Variants in WDFY2 observed in about 807,000 individuals in gnomAD.
The protein encoded by WDFY2 is WD repeat and FYVE domain containing 2, also known as WD repeat and FYVE domain-containing protein 2.
A neutral mutation model predicts 56.4 loss-of-function variants in WDFY2; 36 were observed. The ratio of observed to expected loss-of-function variants is 0.64; its 90% CI spans 0.49 to 0.84. The LOEUF is 0.84. Among genes scored for constraint, WDFY2 ranks in the 40% least tolerant of loss-of-function variants. WDFY2 has a pLI of 0.00. For synonymous variants in WDFY2, 176 were observed against 183.7 expected (o/e 0.96, Z 0.34); for missense variants, 444 against 512.2 (o/e 0.87, Z 1.29).
Position 51,703,634 on chromosome 13 carries a change from T to C in WDFY2, c.318T>C (p.Pro106=), listed in dbSNP as rs200920602. The C allele has an allele frequency of 9.9e-6, 16 of 1,610,162 alleles. No individual in the cohort carries two copies. The East Asian group carries it at 3.4e-4, about 34-fold the overall frequency. Residue 106 remains proline, a synonymous_variant, in exon 4 of 12, where the codon CCT becomes CCC. Coordinates refer to ENST00000298125, the MANE Select transcript of WDFY2 (RefSeq NM_052950.4). ...ILSEDYNKMT[P]VKNYQAHQSR... is the part of the protein sequence containing the mutation. ...CAGAAGATTATAACAAGATGACTCCTGTGAAAAACTATCAAGGTAGGGAGT... is the reference window on the plus strand; with the variant it reads ...CAGAAGATTATAACAAGATGACTCCCGTGAAAAACTATCAAGGTAGGGAGT...
At chr13:51,752,862 G>A (rs1953267760) in intron 8 of WDFY2, 3 of 151,974 alleles carry the variant, frequency 2.0e-5, no homozygotes, top group Admixed American at 1.3e-4. Flanking sequence ...TTTCATCTTA[G>A]CCTCTGTGGA....
intron 4 of WDFY2, among the ~76,000 whole-genome samples, chr13:51,718,559 TACACACACACACACACAC>T (rs71192015): frequency 2.2e-4 from 31 of 138,758 alleles, no homozygotes; most frequent in African/African-American, 3.7e-4. Context: ...TTATCATTCA[TACACACACACACACACAC>T]ACACACACAC....
intron 3 of WDFY2, among the ~76,000 whole-genome samples, chr13:51,702,559 A>C (rs753555094): frequency 1.3e-5 from 2 of 152,212 alleles, no homozygotes; most frequent in African/African-American, 4.8e-5. Flanking sequence ...ATTCTCTCAC[A>C]TCATCTCCTA....
chr13:51,636,706 T>A (rs186462226), intron 1 of WDFY2, among the ~76,000 whole-genome samples: 1 of 152,302 alleles, frequency 6.6e-6, no homozygotes, highest in East Asian at 1.9e-4. Context: ...TGGATCATGA[T>A]CCATCTAGAT....
chr13:51,637,033 T>C (rs939271823), intron 1 of WDFY2, among the ~76,000 whole-genome samples: 5 of 152,238 alleles, frequency 3.3e-5, no homozygotes, highest in African/African-American at 1.2e-4. Context: ...GAATCTGCAT[T>C]TTAACAAGAT....
chr13:51,690,514 A>C (rs950209086), intron 3 of WDFY2, among the ~76,000 whole-genome samples: 1 of 152,006 alleles, frequency 6.6e-6, no homozygotes, highest in African/African-American at 2.4e-5. Context: ...GTCCCTACAA[A>C]GGACGTGAAC....
chr13:51,687,286 C>A (rs989175543), intron 3 of WDFY2, among the ~76,000 whole-genome samples: 15 of 151,810 alleles, frequency 9.9e-5, no homozygotes, highest in Admixed American at 3.3e-4. Context: ...CTGAAAAACC[C>A]CTCCTCTTGT....
chr13:51,752,895 T>A (rs1953268877), intron 8 of WDFY2: 1 of 152,226 alleles, frequency 6.6e-6, no homozygotes, highest in African/African-American at 2.4e-5. Context: ...TTATGATAAG[T>A]GCTGTGTGAT....
intron 1 of WDFY2, among the ~76,000 whole-genome samples, chr13:51,635,063 C>T (rs549291658): frequency 6.6e-5 from 10 of 152,210 alleles, no homozygotes; most frequent in Admixed American, 5.2e-4. Flanking sequence ...CTCAGCCTCC[C>T]GAGTAGCTGG....
chr13:51,592,555 A>G (rs1335470671), intron 1 of WDFY2: 1 of 151,832 alleles, frequency 6.6e-6, no homozygotes, highest in Non-Finnish European at 1.5e-5. Flanking sequence ...AGCCTGGGCA[A>G]CAGAGCGAGA....
chr13:51,603,141 A>T (rs2138317124), intron 1 of WDFY2, among the ~76,000 whole-genome samples: 1 of 152,340 alleles, frequency 6.6e-6, no homozygotes, highest in East Asian at 1.9e-4. Context: ...GCAAATGGAA[A>T]TGCCAGAAAG....
intron 3 of WDFY2, among the ~76,000 whole-genome samples, chr13:51,689,489 CCA>C (rs1956114639): frequency 1.3e-5 from 2 of 152,080 alleles, no homozygotes; most frequent in African/African-American, 4.8e-5. Flanking sequence ...TGCACAAACC[CCA>C]GTTATCTTTA....
chr13:51,626,842 G>A (rs1397123737), intron 1 of WDFY2, among the ~76,000 whole-genome samples: 1 of 152,216 alleles, frequency 6.6e-6, no homozygotes, highest in African/African-American at 2.4e-5. Context: ...CCTTCTGCCT[G>A]AGTAATGCTC....
At chr13:51,721,565 C>A (rs1952491517) in intron 5 of WDFY2, among the ~76,000 whole-genome samples, 1 of 151,970 alleles carries the variant, frequency 6.6e-6, no homozygotes, top group African/African-American at 2.4e-5. Context: ...TTTGCCACAC[C>A]ATGTGGTTTA....
At chr13:51,738,029 A>G (rs889992459) in intron 6 of WDFY2, among the ~76,000 whole-genome samples, 1 of 148,902 alleles carries the variant, frequency 6.7e-6, no homozygotes, top group African/African-American at 2.4e-5. Flanking sequence ...TTCTCCTGAA[A>G]CAAATGTATG....
chr13:51,719,306 G>A lies in WDFY2; in HGVS notation c.443G>A (p.Arg148His), dbSNP rs749728199. 2.4e-5 allele frequency: 39 copies of A among 1,612,886 alleles called. No individual in the cohort carries two copies. The highest frequency in any genetic ancestry group is 2.8e-5 in the Non-Finnish European group (33 of 1,179,428). The change falls in exon 5 of 12, where the codon CGC becomes CAC. Residue 148 changes from arginine to histidine, a missense_variant. Arg to His is a conservative substitution (Grantham distance 29, BLOSUM62 0). Transcript: ENST00000298125. ...FAWHCSESGQ[R>H]LGGYRTSAVA... Reference sequence around the variant, plus strand: ...TGGCACTGCTCTGAGAGTGGGCAGCGCCTGGGAGGTTATCGGACCAGTGCT... The same window carrying A: ...TGGCACTGCTCTGAGAGTGGGCAGCACCTGGGAGGTTATCGGACCAGTGCT...
rs988095642 is a variant in WDFY2 at position 51,767,386 on chromosome 13, C to T, written c.*7617C>T. On this transcript the variant is annotated 3_prime_UTR_variant, in exon 12 of 12. Coordinates refer to ENST00000298125, the MANE Select transcript of WDFY2 (RefSeq NM_052950.4). ...CAGGCTGGCACACCCAGAAAAATCC[C>T]TTCCTTGTGGTCCTTGGCTGATGAT... is the stretch of plus-strand genomic sequence containing the variant. 2.6e-5 allele frequency: 4 copies of T among 152,246 alleles called. No homozygotes were observed. The highest frequency in any genetic ancestry group is 9.6e-5 in the African/African-American group (4 of 41,456). The allele number at this position is 152,246 out of a possible 1,614,324, so 9.4% of individuals were successfully genotyped here.
chr13:51,739,293 A>T, intron 7 of WDFY2, 118 bp downstream of exon 7: 1 of 1,234,832 alleles, frequency 8.1e-7, no homozygotes, highest in Non-Finnish European at 1.1e-6. Context: ...ACATGGCGGG[A>T]ACACAAATAC....
chr13:51,660,530 A>G (rs1421979490), intron 1 of WDFY2, 66 bp from the exon 2 acceptor site: 13 of 1,487,282 alleles, frequency 8.7e-6, no homozygotes, highest in Admixed American at 3.4e-5. Context: ...TTTGTTTTCT[A>G]TGTATCAGCA....
Sources: gnomAD v4.1 joint callset for allele counts (sites outside exome capture counted in the v4.1 genomes callset) on GRCh38, gnomAD v4.1.1 for gene constraint, MANE v1.5 for transcripts, NCBI Gene and HGNC (gene_info 2026-07-23, HGNC 2026-07-21) for gene names.